Variants in GTF2H5 observed in about 807,000 individuals in gnomAD.
GTF2H5 encodes the protein general transcription factor IIH subunit 5, also known as TFB5 ortholog.
GTF2H5 carries 5 observed loss-of-function variants against 7.1 expected under a neutral mutation model. The ratio of observed to expected loss-of-function variants is 0.71; its 90% CI spans 0.37 to 1.49. GTF2H5 has a LOEUF of 1.49. GTF2H5 is among the 40% of genes most tolerant of loss of function. GTF2H5 has a pLI of 0.03. For synonymous variants in GTF2H5, 30 were observed against 31.7 expected (o/e 0.95, Z 0.18); for missense variants, 80 against 83.0 (o/e 0.96, Z 0.14).
At chr6:158,174,873 G>A (rs1356660699) in intron 2 of GTF2H5, among the ~76,000 whole-genome samples, 7 of 152,114 alleles carry the variant, frequency 4.6e-5, no homozygotes, top group Admixed American at 1.3e-4. Context: ...TATGAGAAGC[G>A]AAGTAAGAAG....
chr6:158,168,597 T>G (rs1046594598), intron 1 of GTF2H5, among the ~76,000 whole-genome samples: 3 of 152,196 alleles, frequency 2.0e-5, no homozygotes, highest in African/African-American at 7.2e-5. Context: ...GTGGGTTTCC[T>G]GTGGGGCTAG....
chr6:158,169,441 A>ATATCT lies in GTF2H5; in HGVS notation c.-34-1026_-34-1025insCTTAT, dbSNP rs1554266935. On this transcript the variant is annotated intron_variant, in intron 1 of 2. Coordinates refer to ENST00000607778, the MANE Select transcript of GTF2H5 (RefSeq NM_207118.3). ...TTATATATAATATATTGTATATTAT[A>ATATCT]TATATTATATATTATATATATTATA... is the stretch of plus-strand genomic sequence containing the variant. 1.5e-4 allele frequency among the ~76,000 whole-genome samples: 10 copies of ATATCT among 64,624 alleles called. 1 individual carries two copies. Among genetic ancestry groups the ATATCT allele is most frequent in the African/African-American group, 7.0e-4 (9 of 12,920 alleles). 42.4% of individuals were successfully genotyped at this position (64,624 alleles called of 152,430 possible).
chr6:158,191,635 A>C (rs1161418256), intron 2 of GTF2H5, among the ~76,000 whole-genome samples: 6 of 152,076 alleles, frequency 3.9e-5, no homozygotes, highest in African/African-American at 7.2e-5. Context: ...GGCACCCGCC[A>C]CCACACCCGG....
rs1777138844 is a variant in GTF2H5, at chr6:158,198,003, T to C, written c.*5846T>C. 1 of 152,234 alleles carries C rather than the reference T, an allele frequency of 6.6e-6. No homozygotes were observed. The allele number at this position is 152,234 out of a possible 1,614,324, so 9.4% of individuals were successfully genotyped here. On this transcript the variant is annotated 3_prime_UTR_variant, in exon 3 of 3. Coordinates refer to ENST00000607778, the MANE Select transcript of GTF2H5 (RefSeq NM_207118.3). ...AAGAAATTATATTTTATTTTTATCT[T>C]TTAATTCTATTTTTCCATGAACTTT...
chr6:158,172,127 AGG>A (rs1429071043), intron 2 of GTF2H5, among the ~76,000 whole-genome samples: 1 of 151,316 alleles, frequency 6.6e-6, no homozygotes, highest in African/African-American at 2.4e-5. Context: ...CTCTCTTCTG[AGG>A]GTTTTGTGTT....
intron 2 of GTF2H5, among the ~76,000 whole-genome samples, chr6:158,184,767 A>C (rs1417952422): frequency 6.6e-6 from 1 of 152,214 alleles, no homozygotes; most frequent in Non-Finnish European, 1.5e-5. Context: ...ACCATTGACT[A>C]AGCCAAGATT....
chr6:158,183,256 C>G (rs1377763996), intron 2 of GTF2H5, among the ~76,000 whole-genome samples: 1 of 152,178 alleles, frequency 6.6e-6, no homozygotes, highest in Admixed American at 6.5e-5. Flanking sequence ...CTGGAAGCTT[C>G]ATCGTAGAGG....
chr6:158,168,545 C>T (rs1449264527), intron 1 of GTF2H5, 150 bp downstream of exon 1: 1 of 152,442 alleles, frequency 6.6e-6, no homozygotes, highest in Non-Finnish European at 1.5e-5. Context: ...TCTCCGGGCC[C>T]TTCCTGGCGG....
At chr6:158,178,697 T>C (rs1785966281) in intron 2 of GTF2H5, among the ~76,000 whole-genome samples, 1 of 152,138 alleles carries the variant, frequency 6.6e-6, no homozygotes, top group Non-Finnish European at 1.5e-5. Flanking sequence ...CTGATGGGGT[T>C]GTTTGCTTTT....
intron 1 of GTF2H5, among the ~76,000 whole-genome samples, chr6:158,168,596 C>T (rs949809363): frequency 6.6e-6 from 1 of 152,192 alleles, no homozygotes; most frequent in Non-Finnish European, 1.5e-5. Context: ...CGTGGGTTTC[C>T]TGTGGGGCTA....
At chr6:158,191,672 CG>C (rs1777029121) in intron 2 of GTF2H5, among the ~76,000 whole-genome samples, 1 of 151,972 alleles carries the variant, frequency 6.6e-6, no homozygotes. Flanking sequence ...TTAGTAGAGA[CG>C]GGGTTTCACC....
intron 2 of GTF2H5, among the ~76,000 whole-genome samples, chr6:158,186,856 G>C (rs1338066931): frequency 6.6e-6 from 1 of 152,220 alleles, no homozygotes; most frequent in Non-Finnish European, 1.5e-5. Context: ...ATTATCTAAA[G>C]ACCTGGAATC....
In GTF2H5 at chr6:158,173,045, G is replaced by A. The variant is rs139914142; in HGVS notation, c.35+2507G>A. Among the ~76,000 whole-genome samples, 246 of 152,260 alleles carry A rather than the reference G, an allele frequency of 1.6e-3. 1 individual carries two copies. Among genetic ancestry groups the A allele is most frequent in the African/African-American group, 5.7e-3 (235 of 41,552 alleles). On this transcript the variant is annotated intron_variant, in intron 2 of 2. Transcript: ENST00000607778. ...TAATAGCATCATCTGGAGCTTGTTA[G>A]AAATGCAAAATCTCAGACCTCACCC...
chr6:158,176,442 G>A (rs1439123662), intron 2 of GTF2H5, among the ~76,000 whole-genome samples: 1 of 152,108 alleles, frequency 6.6e-6, no homozygotes, highest in Non-Finnish European at 1.5e-5. Flanking sequence ...GGCCAGGCTG[G>A]TCTTGAACTC....
At chr6:158,169,688 A>ATATTGTATATTGTATAGTATATTG (rs1482700589) in intron 1 of GTF2H5, among the ~76,000 whole-genome samples, 2 of 49,864 alleles carry the variant, frequency 4.0e-5, no homozygotes, top group Non-Finnish European at 6.0e-5. Context: ...AATATATAAT[A>ATATTGTATATTGTATAGTATATTG]TATATTATAT....
At chr6:158,191,832 C>A in intron 2 of GTF2H5, 145 bp from the exon 3 acceptor site, 1 of 697,720 alleles carries the variant, frequency 1.4e-6, no homozygotes, top group Non-Finnish European at 2.5e-6. Context: ...ATTGTTAACA[C>A]TTGAGGCAGA....
At chr6:158,184,868 T>C (rs1178858148) in intron 2 of GTF2H5, among the ~76,000 whole-genome samples, 1 of 152,198 alleles carries the variant, frequency 6.6e-6, no homozygotes, top group Non-Finnish European at 1.5e-5. Flanking sequence ...ATTATCATGC[T>C]ATAATCCTTT....
At chr6:158,169,425 A>ATATTGTATATTATATATATTATATATAG in intron 1 of GTF2H5, among the ~76,000 whole-genome samples, 1 of 72,846 alleles carries the variant, frequency 1.4e-5, no homozygotes, top group Non-Finnish European at 2.2e-5. Context: ...ATTATATATA[A>ATATTGTATATTATATATATTATATATAG]TATATTGTAT....
At chr6:158,186,150 G>A (rs1776918322) in intron 2 of GTF2H5, among the ~76,000 whole-genome samples, 1 of 152,222 alleles carries the variant, frequency 6.6e-6, no homozygotes, top group Non-Finnish European at 1.5e-5. Flanking sequence ...ATTTGCAACA[G>A]AGATGTTACA....
Sources: allele counts gnomAD v4.1 joint callset (sites outside exome capture counted in the v4.1 genomes callset), GRCh38; gene constraint gnomAD v4.1.1; transcripts MANE v1.5; gene names NCBI Gene and HGNC (gene_info 2026-07-23, HGNC 2026-07-21).